Variants in LRPPRC observed in about 807,000 individuals in gnomAD.
LRPPRC encodes the protein leucine rich pentatricopeptide repeat containing, also known as leucine-rich PPR motif-containing protein, mitochondrial.
Under a neutral mutation model 180.3 loss-of-function variants are expected in LRPPRC, and 120 were observed. The ratio of observed to expected loss-of-function variants is 0.67; its 90% CI spans 0.57 to 0.77. The LOEUF (loss-of-function observed/expected upper bound fraction) is 0.77. Ranked by LOEUF, LRPPRC falls within the 30% of genes least tolerant of loss-of-function variation. The pLI is 0.00. For synonymous variants in LRPPRC, 723 were observed against 600.0 expected (o/e 1.21, Z -3.00); for missense variants, 2,012 against 1,657.2 (o/e 1.21, Z -3.72).
Position 43,896,198 on chromosome 2 carries a change from ATTTCTTTCTTTC to A in LRPPRC, c.3900+424_3900+435del, listed in dbSNP as rs751623964. 8.4e-3 allele frequency: 1,087 copies of A among 129,942 alleles called. 41 individuals carry two copies. The highest frequency in any genetic ancestry group is 0.012 in the Admixed American group (143 of 12,052). 8.0% of individuals were successfully genotyped at this position (129,942 alleles called of 1,614,324 possible). On this transcript the variant is annotated intron_variant, in intron 35 of 37. Coordinates refer to ENST00000260665, the MANE Select transcript of LRPPRC (RefSeq NM_133259.4). Reference sequence around the variant, plus strand: ...CGAAGCAACATAATTTTAATCTTCCATTTCTTTCTTTCTTTCTTTCTTTCTTTTTTTTTTTTT... The same window carrying A: ...CGAAGCAACATAATTTTAATCTTCCATTTCTTTCTTTCTTTTTTTTTTTTT...
At position 43,888,620 on chromosome 2, in the gene LRPPRC, A is replaced by C. The variant is rs781702242; in HGVS notation, c.4165T>G (p.Leu1389Val). Reference protein sequence around the residue: ...FEFYAQQLRKLRENSS With the variant: ...FEFYAQQLRKVRENSS ...TTATTTCAAGAAGAGTTTTCCCTCA[A>C]TTTTCTTAGCTGCTGTGCATAAAAT... The change falls in exon 38 of 38, where the codon TTG (leucine) becomes GTG (valine). Residue 1389 changes from leucine (L) to valine (V), a missense_variant. Leu to Val is a conservative substitution (Grantham distance 32). Transcript: ENST00000260665. The C allele has an allele frequency of 6.2e-7, 1 of 1,603,480 alleles. No individual in the cohort carries two copies. Among genetic ancestry groups the C allele is most frequent in the Non-Finnish European group, 8.5e-7 (1 of 1,170,468 alleles).
Position 43,888,509 on chromosome 2 carries a change from TTTTCA to T in LRPPRC, c.*86_*90del. 1.2e-6 allele frequency: 1 copy of T among 839,934 alleles called. No individual in the cohort carries two copies. Among genetic ancestry groups the T allele is most frequent in the Non-Finnish European group, 2.0e-6 (1 of 493,452 alleles). 52.0% of individuals were successfully genotyped at this position (839,934 alleles called of 1,614,324 possible). ...CACATACATAAGTACATAAAGAAAA[TTTTCA>T]TTTATTTTTCCCTCAGATATACTTC... On this transcript the variant is annotated 3_prime_UTR_variant, in exon 38 of 38. Transcript: ENST00000260665.
intron 36 of LRPPRC, among the ~76,000 whole-genome samples, chr2:43,892,163 C>G (rs1398086959): frequency 1.3e-5 from 2 of 152,226 alleles, no homozygotes; most frequent in African/African-American, 2.4e-5. Flanking sequence ...TCCAGAAAAT[C>G]TAGCTAAGAC....
intron 3 of LRPPRC, among the ~76,000 whole-genome samples, chr2:43,979,330 C>G (rs899153591): frequency 6.6e-6 from 1 of 152,078 alleles, no homozygotes; most frequent in African/African-American, 2.4e-5. Flanking sequence ...GAGAACACCC[C>G]CATTGGCATA....
At position 43,943,697 on chromosome 2, in the gene LRPPRC, G is replaced by T; in HGVS notation, c.2494C>A (p.His832Asn). 6.2e-7 allele frequency: 1 copy of T among 1,612,364 alleles called. No individual in the cohort carries two copies. Among genetic ancestry groups the T allele is most frequent in the Non-Finnish European group, 8.5e-7 (1 of 1,178,502 alleles). ...TNISFPLVTVHLEKGDLSTAL... is the reference protein window; with the variant it reads ...TNISFPLVTVNLEKGDLSTAL... Reference sequence around the variant, plus strand: ...ATTCAATTAACTTACTTTTCCAAGTGTACAGTGACCAATGGGAAACTTATG... The same window carrying T: ...ATTCAATTAACTTACTTTTCCAAGTTTACAGTGACCAATGGGAAACTTATG... Residue 832 changes from histidine (H) to asparagine (N), a missense_variant, in exon 23 of 38, where the codon CAC (histidine) becomes AAC (asparagine). Transcript: ENST00000260665.
chr2:43,935,825 T>C (rs1672255186), intron 23 of LRPPRC, among the ~76,000 whole-genome samples: 1 of 152,114 alleles, frequency 6.6e-6, no homozygotes, highest in Non-Finnish European at 1.5e-5. Context: ...ATTTAAGACC[T>C]TGCAAGACCA....
At chr2:43,902,179 C>A (rs1180334886) in intron 31 of LRPPRC, 1 of 152,346 alleles carries the variant, frequency 6.6e-6, no homozygotes, top group Non-Finnish European at 1.5e-5. Flanking sequence ...CCCGACTTAG[C>A]CCCATCGGTA....
At chr2:43,940,260 T>C (rs1445846281) in intron 23 of LRPPRC, among the ~76,000 whole-genome samples, 1 of 152,176 alleles carries the variant, frequency 6.6e-6, no homozygotes, top group Non-Finnish European at 1.5e-5. Context: ...AGTTTTACTC[T>C]AGAAGGCAAG....
intron 34 of LRPPRC, among the ~76,000 whole-genome samples, chr2:43,898,071 TAAAA>T (rs61550367): frequency 8.6e-6 from 1 of 115,960 alleles, no homozygotes; most frequent in Non-Finnish European, 1.8e-5. Flanking sequence ...TCCTTAAAAT[TAAAA>T]AAAAAAAAAA....
intron 13 of LRPPRC, 91 bp from the exon 14 acceptor site, chr2:43,957,542 C>G: frequency 1.1e-6 from 1 of 911,592 alleles, no homozygotes; most frequent in Non-Finnish European, 1.8e-6. Context: ...ATACCAATAC[C>G]TTTTAGTTTT....
chr2:43,940,545 A>ATGTACTGCTG (rs1176110575), intron 23 of LRPPRC, among the ~76,000 whole-genome samples: 1 of 152,170 alleles, frequency 6.6e-6, no homozygotes, highest in African/African-American at 2.4e-5. Context: ...ACATATACAG[A>ATGTACTGCTG]TTATAACACA....
intron 35 of LRPPRC, 142 bp from the exon 36 acceptor site, chr2:43,894,771 G>C (rs928165735): frequency 2.4e-5 from 15 of 624,764 alleles, no homozygotes; most frequent in Non-Finnish European, 4.1e-5. Context: ...ATTGTCCCTT[G>C]TATATTAGCA....
At chr2:43,921,623 A>G (rs1365613153) in intron 27 of LRPPRC, among the ~76,000 whole-genome samples, 1 of 152,164 alleles carries the variant, frequency 6.6e-6, no homozygotes, top group East Asian at 1.9e-4. Flanking sequence ...CATGGAAAGG[A>G]TGGCCAATTC....
intron 34 of LRPPRC, 100 bp from the exon 35 acceptor site, chr2:43,896,808 G>GT: frequency 1.3e-6 from 1 of 775,870 alleles, no homozygotes; most frequent in Non-Finnish European, 2.3e-6. Context: ...ATACAGTAGT[G>GT]TATTATTACC....
At chr2:43,978,387 A>T (rs1256871043) in intron 3 of LRPPRC, among the ~76,000 whole-genome samples, 1 of 152,170 alleles carries the variant, frequency 6.6e-6, no homozygotes, top group East Asian at 1.9e-4. Flanking sequence ...CATCCTTATA[A>T]AGCAGACACT....
chr2:43,889,678 T>G (rs1016971649), intron 37 of LRPPRC, 56 bp downstream of exon 37: 1 of 1,304,678 alleles, frequency 7.7e-7, no homozygotes, highest in South Asian at 1.2e-5. Context: ...CACATTGTTA[T>G]GAAGTGCACA....
chr2:43,888,291 T>A lies in LRPPRC; in HGVS notation c.*309A>T. Reference sequence around the variant, plus strand: ...GTGAATCTTAAATAAAGGAATAACATTTTAATGAAATAAATGAAACAGAGC... The same window carrying A: ...GTGAATCTTAAATAAAGGAATAACAATTTAATGAAATAAATGAAACAGAGC... On this transcript the variant is annotated 3_prime_UTR_variant, in exon 38 of 38. Transcript: ENST00000260665. The A allele has an allele frequency of 3.0e-5, 9 of 303,988 alleles. No individual in the cohort carries two copies. In the South Asian group the frequency reaches 3.2e-4, roughly 11 times the overall value. 18.8% of individuals were successfully genotyped at this position (303,988 alleles called of 1,614,324 possible).
intron 30 of LRPPRC, 83 bp downstream of exon 30, chr2:43,912,349 G>C (rs1671292497): frequency 1.6e-6 from 2 of 1,261,294 alleles, no homozygotes; most frequent in Admixed American, 1.7e-5. Context: ...TTACTACACA[G>C]CACATTACTA....
intron 1 of LRPPRC, 96 bp downstream of exon 1, chr2:43,995,703 T>C: frequency 8.6e-7 from 1 of 1,162,944 alleles, no homozygotes; most frequent in Non-Finnish European, 1.1e-6. Context: ...GGGAGAAGGG[T>C]GGCGAGCACA....
Sources: gnomAD v4.1 joint callset for allele counts (sites outside exome capture counted in the v4.1 genomes callset) on GRCh38, gnomAD v4.1.1 for gene constraint, MANE v1.5 for transcripts, NCBI Gene and HGNC (gene_info 2026-07-23, HGNC 2026-07-21) for gene names.